Variants in EPHA3 observed in about 807,000 individuals in gnomAD.
The protein encoded by EPHA3 is ephrin type-A receptor 3.
EPHA3 carries 42 observed loss-of-function variants against 107.1 expected under a neutral mutation model. That is an observed-to-expected ratio of 0.39 (90% confidence interval 0.31 to 0.51). The LOEUF is 0.51. Ranked by LOEUF, EPHA3 falls within the 20% of genes least tolerant of loss-of-function variation. EPHA3 has a pLI of 0.78. For missense variants in EPHA3, 1,183 were observed against 1,211.2 expected (o/e 0.98, Z 0.35); for synonymous variants, 461 against 424.8 (o/e 1.09, Z -1.05).
intron 5 of EPHA3, among the ~76,000 whole-genome samples, chr3:89,364,007 A>C (rs555417163): frequency 6.6e-6 from 1 of 150,900 alleles, no homozygotes; most frequent in South Asian, 2.1e-4. Flanking sequence ...TGCTTTGTGG[A>C]AAAGGCACAC....
At chr3:89,377,022 G>A (rs1432029266) in intron 5 of EPHA3, among the ~76,000 whole-genome samples, 1 of 152,024 alleles carries the variant, frequency 6.6e-6, no homozygotes, top group Non-Finnish European at 1.5e-5. Flanking sequence ...TTCTGTGCCT[G>A]TAGTTTTTGG....
intron 3 of EPHA3, among the ~76,000 whole-genome samples, chr3:89,329,326 A>G (rs1288093048): frequency 6.6e-6 from 1 of 152,044 alleles, no homozygotes; most frequent in East Asian, 1.9e-4. Context: ...CACTGAATAC[A>G]GATGGCCAAG....
chr3:89,296,361 T>A (rs1706352794), intron 3 of EPHA3, among the ~76,000 whole-genome samples: 1 of 152,260 alleles, frequency 6.6e-6, no homozygotes, highest in Non-Finnish European at 1.5e-5. Context: ...CCTTGATTCA[T>A]GGGCTTCAGA....
chr3:89,467,609 T>C (rs1710311655), intron 15 of EPHA3, among the ~76,000 whole-genome samples: 2 of 152,196 alleles, frequency 1.3e-5, no homozygotes, highest in South Asian at 4.1e-4. Context: ...ATTGAGCTTT[T>C]TCCCCAGTAT....
intron 3 of EPHA3, among the ~76,000 whole-genome samples, chr3:89,278,257 C>T (rs1705857751): frequency 6.6e-6 from 1 of 152,082 alleles, no homozygotes; most frequent in Non-Finnish European, 1.5e-5. Flanking sequence ...ATCATGTTTG[C>T]TGGGTCTCTG....
chr3:89,211,187 G>T (rs1217253898), intron 3 of EPHA3, among the ~76,000 whole-genome samples: 1 of 151,788 alleles, frequency 6.6e-6, no homozygotes, highest in Non-Finnish European at 1.5e-5. Context: ...ATGCATATTT[G>T]ATATTAATAT....
chr3:89,320,685 AC>A (rs916480276), intron 3 of EPHA3, among the ~76,000 whole-genome samples: 20 of 152,060 alleles, frequency 1.3e-4, no homozygotes, highest in African/African-American at 4.6e-4. Flanking sequence ...ATCTTGATTA[AC>A]AAAAATTAGA....
Position 89,472,627 on chromosome 3 carries a change from A to G in EPHA3, c.2846+8A>G. The G allele has an allele frequency of 6.2e-7, 1 of 1,600,504 alleles. No individual in the cohort carries two copies. The highest frequency in any genetic ancestry group is 8.5e-7 in the Non-Finnish European group (1 of 1,175,276). On this transcript the variant is annotated splice_region_variant and intron_variant, in intron 16 of 16. Transcript: ENST00000336596. ...AGCCAAGATTTCCACAGAGTAAGAA[A>G]AAAAAATTCATTAAGAAGAATGAAG...
intron 3 of EPHA3, among the ~76,000 whole-genome samples, chr3:89,329,263 T>C (rs9310120): frequency 0.47 from 71,148 of 151,758 alleles, 17,114 homozygotes; most frequent in African/African-American, 0.56. Context: ...CTCCTTCTCC[T>C]TCCCACTCCC....
chr3:89,127,104 TA>T, intron 1 of EPHA3, 104 bp from the exon 2 acceptor site: 1 of 829,804 alleles, frequency 1.2e-6, no homozygotes, highest in South Asian at 1.5e-5. Context: ...AAGGAAGAGT[TA>T]TGTTTTTTGA....
chr3:89,345,615 TTTTC>T (rs1707628977), intron 5 of EPHA3, among the ~76,000 whole-genome samples: 1 of 149,952 alleles, frequency 6.7e-6, no homozygotes, highest in Admixed American at 6.7e-5. Flanking sequence ...TCTTTTTTTT[TTTTC>T]TTTTTTTTTT....
At chr3:89,240,597 A>T (rs1470423636) in intron 3 of EPHA3, among the ~76,000 whole-genome samples, 1 of 152,068 alleles carries the variant, frequency 6.6e-6, no homozygotes, top group African/African-American at 2.4e-5. Context: ...TATAGTGTGT[A>T]TATTTTTTAT....
intron 5 of EPHA3, among the ~76,000 whole-genome samples, chr3:89,362,883 A>C (rs887216180): frequency 6.6e-6 from 1 of 151,064 alleles, no homozygotes; most frequent in Non-Finnish European, 1.5e-5. Flanking sequence ...ATATTTACTA[A>C]CTCAAACTAA....
chr3:89,260,042 G>A lies in EPHA3; in HGVS notation c.814+49522G>A, dbSNP rs545646230. 2.0e-5 allele frequency among the ~76,000 whole-genome samples: 3 copies of A among 152,312 alleles called. No individual in the cohort carries two copies. In the South Asian group the frequency reaches 6.2e-4, roughly 32 times the overall value. ...AATGTTCCTGCCTCTGGATGTGTGT[G>A]TGTGTTTGTTTATAATTTTCTTTAT... On this transcript the variant is annotated intron_variant, in intron 3 of 16. Transcript: ENST00000336596.
intron 1 of EPHA3, among the ~76,000 whole-genome samples, chr3:89,118,263 T>C (rs1374512332): frequency 2.6e-5 from 4 of 152,050 alleles, no homozygotes; most frequent in Non-Finnish European, 5.9e-5. Flanking sequence ...GTATTTCATC[T>C]GGCTAAACTA....
intron 13 of EPHA3, among the ~76,000 whole-genome samples, chr3:89,444,725 C>T (rs1245692764): frequency 6.6e-6 from 1 of 151,924 alleles, no homozygotes; most frequent in Non-Finnish European, 1.5e-5. Context: ...TGACAAATGA[C>T]AAAATTTTCT....
intron 3 of EPHA3, among the ~76,000 whole-genome samples, chr3:89,331,548 C>A (rs1401423465): frequency 6.6e-6 from 1 of 152,034 alleles, no homozygotes; most frequent in African/African-American, 2.4e-5. Flanking sequence ...GCTCATATAA[C>A]TTTGTGTAGA....
intron 2 of EPHA3, among the ~76,000 whole-genome samples, chr3:89,152,051 TG>T (rs1704701366): frequency 6.6e-6 from 1 of 152,118 alleles, no homozygotes; most frequent in South Asian, 2.1e-4. Context: ...TGAAGACTTC[TG>T]CCTTACCTTG....
intron 2 of EPHA3, among the ~76,000 whole-genome samples, chr3:89,172,447 T>C (rs1364914243): frequency 6.6e-6 from 1 of 152,152 alleles, no homozygotes; most frequent in Non-Finnish European, 1.5e-5. Flanking sequence ...GGCTGTACAG[T>C]CAGGCCTGCG....
Sources: gnomAD v4.1 joint callset for allele counts (sites outside exome capture counted in the v4.1 genomes callset) on GRCh38, gnomAD v4.1.1 for gene constraint, MANE v1.5 for transcripts, NCBI Gene and HGNC (gene_info 2026-07-23, HGNC 2026-07-21) for gene names.